The following ZFAND3 variants were observed in gnomAD, a reference collection of about 807,000 sequenced individuals.
ZFAND3 encodes zinc finger AN1-type containing 3, also known as AN1-type zinc finger protein 3.
ZFAND3 carries 10 observed loss-of-function variants against 29.6 expected under a neutral mutation model. The observed-to-expected ratio is 0.34, with a 90% CI of 0.21 to 0.57. The LOEUF is 0.57. Among genes scored for constraint, ZFAND3 ranks in the 20% least tolerant of loss-of-function variants. ZFAND3 has a pLI of 0.86. For missense variants in ZFAND3, 230 were observed against 304.5 expected (o/e 0.76, Z 1.82); for synonymous variants, 128 against 112.6 (o/e 1.14, Z -0.87).
chr6:37,921,092 G>T (rs903486145), intron 1 of ZFAND3, among the ~76,000 whole-genome samples: 1 of 151,902 alleles, frequency 6.6e-6, no homozygotes, highest in African/African-American at 2.4e-5. Context: ...ACTCCTCGCC[G>T]CCTTCTCCTT....
At chr6:37,842,983 G>A (rs1289431413) in intron 1 of ZFAND3, among the ~76,000 whole-genome samples, 2 of 152,028 alleles carry the variant, frequency 1.3e-5, no homozygotes, top group Admixed American at 6.6e-5. Context: ...TTAGCCAGGC[G>A]TGGTGGTGTG....
At position 37,925,666 on chromosome 6, in the gene ZFAND3, T is replaced by C. The variant is rs375721951; in HGVS notation, c.72-4293T>C. ...TTGCAGTGAGCTGAGATCATGCTCC[T>C]GCACTCCAGCCTGGGCAACAGAGCT... On this transcript the variant is annotated intron_variant, in intron 1 of 5. Coordinates refer to ENST00000287218, the MANE Select transcript of ZFAND3 (RefSeq NM_021943.3). 8.1e-5 allele frequency among the ~76,000 whole-genome samples: 12 copies of C among 147,586 alleles called. No homozygotes were observed. The South Asian group carries it at 2.4e-3, about 29-fold the overall frequency.
chr6:37,985,938 G>A (rs534155411), intron 2 of ZFAND3, among the ~76,000 whole-genome samples: 1 of 152,274 alleles, frequency 6.6e-6, no homozygotes, highest in African/African-American at 2.4e-5. Flanking sequence ...CATCTAACAA[G>A]TCTTTATCAA....
chr6:37,845,183 TAGCA>T (rs1338426999), intron 1 of ZFAND3, among the ~76,000 whole-genome samples: 2 of 152,008 alleles, frequency 1.3e-5, no homozygotes, highest in Non-Finnish European at 2.9e-5. Flanking sequence ...ATGAGAGGAG[TAGCA>T]CAGAGCTTGG....
intron 5 of ZFAND3, among the ~76,000 whole-genome samples, chr6:38,140,907 C>G (rs1765938271): frequency 6.6e-6 from 1 of 152,118 alleles, no homozygotes; most frequent in Non-Finnish European, 1.5e-5. Flanking sequence ...AGCCTCTTCC[C>G]CTTCAGGGCA....
At chr6:37,885,921 C>T (rs975617829) in intron 1 of ZFAND3, among the ~76,000 whole-genome samples, 8 of 151,602 alleles carry the variant, frequency 5.3e-5, no homozygotes, top group Non-Finnish European at 7.4e-5. Flanking sequence ...TACTTCTGAG[C>T]GGAAGCAACT....
Position 38,087,855 on chromosome 6 carries a change from A to G in ZFAND3, c.361+5398A>G, listed in dbSNP as rs187726839. ...GGGTACATAGCCAAAATAAGGAAATAAGTATACTGAAGTGGTATCTGCACT... is the reference window on the plus strand; with the variant it reads ...GGGTACATAGCCAAAATAAGGAAATGAGTATACTGAAGTGGTATCTGCACT... On this transcript the variant is annotated intron_variant, in intron 4 of 5. Coordinates refer to ENST00000287218, the MANE Select transcript of ZFAND3 (RefSeq NM_021943.3). 5.3e-4 allele frequency among the ~76,000 whole-genome samples: 81 copies of G among 152,334 alleles called. 2 individuals carry two copies. The South Asian group carries it at 0.016, about 30-fold the overall frequency.
chr6:37,834,229 A>G (rs1005339949), intron 1 of ZFAND3, among the ~76,000 whole-genome samples: 1 of 152,170 alleles, frequency 6.6e-6, no homozygotes, highest in Non-Finnish European at 1.5e-5. Context: ...GGCTTTTCCA[A>G]AATTTCATAT....
At chr6:37,963,647 C>T (rs940532818) in intron 2 of ZFAND3, among the ~76,000 whole-genome samples, 3 of 152,050 alleles carry the variant, frequency 2.0e-5, no homozygotes, top group South Asian at 2.1e-4. Flanking sequence ...CAGCTTCCAT[C>T]CTGCTTCACC....
intron 2 of ZFAND3, among the ~76,000 whole-genome samples, chr6:37,970,577 G>A (rs1762368798): frequency 6.6e-6 from 1 of 152,070 alleles, no homozygotes; most frequent in Admixed American, 6.6e-5. Context: ...GAATAGGATT[G>A]GAATGGAGTC....
chr6:37,819,809 C>T lies in ZFAND3; in HGVS notation c.-137C>T, dbSNP rs11544071. The T allele has an allele frequency of 0.061, 31,220 of 512,632 alleles. 1,358 individuals are homozygous for T. The highest frequency in any genetic ancestry group is 0.068 in the Non-Finnish European group (25,849 of 380,340). 31.8% of individuals were successfully genotyped at this position (512,632 alleles called of 1,614,324 possible). ...CCCGGCTCCGAGCCCCGGACTCGCG[C>T]CCGCCCGCGCGCCCGCTCCTTCCCC... On this transcript the variant is annotated 5_prime_UTR_variant, in exon 1 of 6. Coordinates refer to ENST00000287218, the MANE Select transcript of ZFAND3 (RefSeq NM_021943.3).
chr6:37,911,780 T>C (rs11961242), intron 1 of ZFAND3, among the ~76,000 whole-genome samples: 3,126 of 152,202 alleles, frequency 0.021, 100 homozygotes, highest in African/African-American at 0.072. Flanking sequence ...GTTCAACAGG[T>C]GGGAGTGGAG....
At position 37,847,291 on chromosome 6, in the gene ZFAND3, A is replaced by G. The variant is rs547187453; in HGVS notation, c.71+27275A>G. 1.1e-3 allele frequency among the ~76,000 whole-genome samples: 169 copies of G among 152,182 alleles called. 1 individual carries two copies. The highest frequency in any genetic ancestry group is 3.0e-3 in the Admixed American group (46 of 15,284). On this transcript the variant is annotated intron_variant, in intron 1 of 5. Transcript: ENST00000287218. ...ACAAGTGCCCCCAAAAACCTCATCAATCGGCCGGGTGTGGTTGCTCCCGCC... is the reference window on the plus strand; with the variant it reads ...ACAAGTGCCCCCAAAAACCTCATCAGTCGGCCGGGTGTGGTTGCTCCCGCC...
chr6:38,128,824 T>C (rs1481692564), intron 5 of ZFAND3, among the ~76,000 whole-genome samples: 1 of 152,248 alleles, frequency 6.6e-6, no homozygotes, highest in Non-Finnish European at 1.5e-5. Flanking sequence ...AGTATCTTTT[T>C]TGTATAATGA....
At chr6:37,938,247 C>G (rs1438483785) in intron 2 of ZFAND3, among the ~76,000 whole-genome samples, 1 of 152,186 alleles carries the variant, frequency 6.6e-6, no homozygotes, top group Non-Finnish European at 1.5e-5. Context: ...TTCATTTTAA[C>G]TATAATATTC....
intron 1 of ZFAND3, among the ~76,000 whole-genome samples, chr6:37,881,695 A>G (rs571341438): frequency 6.6e-6 from 1 of 152,298 alleles, no homozygotes; most frequent in East Asian, 1.9e-4. Context: ...CACTAAAAAT[A>G]CGAATTTTTA....
At chr6:37,963,240 A>G (rs1762230788) in intron 2 of ZFAND3, among the ~76,000 whole-genome samples, 1 of 152,238 alleles carries the variant, frequency 6.6e-6, no homozygotes, top group Admixed American at 6.5e-5. Flanking sequence ...AAGACTACTT[A>G]AAGGCATTTA....
At chr6:38,073,963 C>A (rs1250139919) in intron 3 of ZFAND3, among the ~76,000 whole-genome samples, 1 of 152,164 alleles carries the variant, frequency 6.6e-6, no homozygotes, top group Non-Finnish European at 1.5e-5. Flanking sequence ...TTTGTTGAGA[C>A]TGGGAAACCC....
chr6:38,047,314 CAA>C (rs758026895), intron 2 of ZFAND3, among the ~76,000 whole-genome samples: 8 of 111,530 alleles, frequency 7.2e-5, no homozygotes, highest in Admixed American at 9.4e-5. Flanking sequence ...GACTCTGTCT[CAA>C]AAAAAAAAAA....
Sources: gnomAD v4.1 joint callset for allele counts (sites outside exome capture counted in the v4.1 genomes callset) on GRCh38, gnomAD v4.1.1 for gene constraint, MANE v1.5 for transcripts, NCBI Gene and HGNC (gene_info 2026-07-23, HGNC 2026-07-21) for gene names.